Variants in BMP6 observed in about 807,000 individuals in gnomAD.
BMP6 encodes the protein bone morphogenetic protein 6.
In BMP6, 17 loss-of-function variants were observed where a neutral mutation model predicts 54.1. The observed-to-expected ratio is 0.31, with a 90% CI of 0.22 to 0.47. The LOEUF (loss-of-function observed/expected upper bound fraction) is 0.47. Ranked by LOEUF, BMP6 falls within the 20% of genes least tolerant of loss-of-function variation. The pLI is 1.00. For synonymous variants in BMP6, 328 were observed against 291.2 expected, an observed-to-expected ratio of 1.13 and a Z score of -1.28; for missense variants, 720 against 690.4, an observed-to-expected ratio of 1.04 and a Z score of -0.48.
chr6:7,854,831 G>C (rs1759200863), intron 2 of BMP6, among the ~76,000 whole-genome samples: 1 of 152,098 alleles, frequency 6.6e-6, no homozygotes, highest in Non-Finnish European at 1.5e-5. Flanking sequence ...AAAAATAACA[G>C]GTGACAAACT....
At chr6:7,839,899 C>T (rs1758939860) in intron 1 of BMP6, among the ~76,000 whole-genome samples, 1 of 152,244 alleles carries the variant, frequency 6.6e-6, no homozygotes, top group Non-Finnish European at 1.5e-5. Context: ...TACAGTGCTG[C>T]ACCATTTTGC....
At chr6:7,792,649 T>C (rs1758127485) in intron 1 of BMP6, among the ~76,000 whole-genome samples, 1 of 152,236 alleles carries the variant, frequency 6.6e-6, no homozygotes, top group African/African-American at 2.4e-5. Context: ...TTCTTAGCCT[T>C]CTGTTTTTTC....
chr6:7,799,431 A>G (rs188034828), intron 1 of BMP6, among the ~76,000 whole-genome samples: 82 of 152,322 alleles, frequency 5.4e-4, no homozygotes, highest in Non-Finnish European at 4.4e-5. Context: ...TGAAAAGATC[A>G]AAGTTATGAT....
At chr6:7,845,793 A>G (rs79194176) in intron 2 of BMP6, among the ~76,000 whole-genome samples, 1 of 146,184 alleles carries the variant, frequency 6.8e-6, no homozygotes, top group Non-Finnish European at 1.5e-5. Flanking sequence ...TGTGTGATGT[A>G]TTTTTTTTTT....
At chr6:7,758,642 G>T (rs1420892448) in intron 1 of BMP6, among the ~76,000 whole-genome samples, 2 of 152,222 alleles carry the variant, frequency 1.3e-5, no homozygotes, top group African/African-American at 4.8e-5. Context: ...GCTAAAGGGT[G>T]AAGCTTTAAG....
chr6:7,800,984 G>A (rs17143141), intron 1 of BMP6, among the ~76,000 whole-genome samples: 29,408 of 151,132 alleles, frequency 0.19, 3,281 homozygotes, highest in African/African-American at 0.3. Context: ...GTACTTCCAT[G>A]AGAGCTTGCT....
At chr6:7,828,294 G>A (rs1039066971) in intron 1 of BMP6, among the ~76,000 whole-genome samples, 5 of 152,336 alleles carry the variant, frequency 3.3e-5, no homozygotes, top group African/African-American at 9.6e-5. Context: ...GCATTTTGTT[G>A]TGTTTTTGCA....
intron 1 of BMP6, among the ~76,000 whole-genome samples, chr6:7,793,185 T>C (rs1341875699): frequency 6.6e-6 from 1 of 152,104 alleles, no homozygotes; most frequent in Non-Finnish European, 1.5e-5. Flanking sequence ...CGATGGGCTA[T>C]TCTTCAGCAC....
At chr6:7,739,351 A>G (rs533199943) in intron 1 of BMP6, among the ~76,000 whole-genome samples, 2 of 152,296 alleles carry the variant, frequency 1.3e-5, no homozygotes, top group Non-Finnish European at 2.9e-5. Context: ...CATTTTCCCT[A>G]TGCTCATCCT....
chr6:7,769,245 G>A (rs909420253), intron 1 of BMP6, among the ~76,000 whole-genome samples: 11 of 152,214 alleles, frequency 7.2e-5, no homozygotes, highest in African/African-American at 2.7e-4. Context: ...GCTCTTCAGA[G>A]CCCAGACTTA....
chr6:7,871,170 A>G (rs1251852613), intron 4 of BMP6, among the ~76,000 whole-genome samples: 4 of 152,138 alleles, frequency 2.6e-5, no homozygotes, highest in African/African-American at 9.7e-5. Context: ...TTAGAACTCA[A>G]CTCTGGTGCT....
intron 1 of BMP6, among the ~76,000 whole-genome samples, chr6:7,836,236 G>A (rs1377566977): frequency 6.6e-6 from 1 of 151,926 alleles, no homozygotes; most frequent in Non-Finnish European, 1.5e-5. Context: ...TTAACCCTTT[G>A]TGCTAATAAT....
intron 1 of BMP6, among the ~76,000 whole-genome samples, chr6:7,815,311 T>C (rs1020266619): frequency 1.3e-5 from 2 of 152,206 alleles, no homozygotes; most frequent in African/African-American, 2.4e-5. Flanking sequence ...GTGTGCAGAA[T>C]AGCAGGGTGA....
intron 5 of BMP6, 39 bp from the exon 6 acceptor site, chr6:7,879,952 C>G (rs901279497): frequency 1.3e-6 from 2 of 1,571,240 alleles, no homozygotes; most frequent in African/African-American, 2.7e-5. Flanking sequence ...GTGAGAAGTG[C>G]ATGCTCATCT....
At chr6:7,786,267 A>G (rs901809997) in intron 1 of BMP6, among the ~76,000 whole-genome samples, 1 of 152,142 alleles carries the variant, frequency 6.6e-6, no homozygotes, top group Non-Finnish European at 1.5e-5. Flanking sequence ...TGGGCACACC[A>G]CACCTCTCCT....
In BMP6 at chr6:7,832,572, C is replaced by T. The variant is rs1043078944; in HGVS notation, c.665-12568C>T. On this transcript the variant is annotated intron_variant, in intron 1 of 6. Transcript: ENST00000283147. ...AGCCCAAATGGACTAAGACAATTAC[C>T]CATTGCGTATTGCAAGTAGGTGGTT... is the stretch of plus-strand genomic sequence containing the variant. Among the ~76,000 whole-genome samples the T allele has an allele frequency of 5.1e-4, 78 of 151,934 alleles. 1 individual carries two copies. Among genetic ancestry groups the T allele is most frequent in the Non-Finnish European group, 5.9e-5 (4 of 68,012 alleles).
At chr6:7,754,312 C>T (rs554239203) in intron 1 of BMP6, among the ~76,000 whole-genome samples, 1 of 152,148 alleles carries the variant, frequency 6.6e-6, no homozygotes, top group South Asian at 2.1e-4. Context: ...CAGGTCTCTC[C>T]ATGTTGCCTA....
intron 1 of BMP6, among the ~76,000 whole-genome samples, chr6:7,789,371 G>A (rs776783857): frequency 3.9e-5 from 6 of 152,202 alleles, no homozygotes; most frequent in Non-Finnish European, 8.8e-5. Flanking sequence ...TCTTTGTAGT[G>A]CATGACTCTT....
intron 1 of BMP6, among the ~76,000 whole-genome samples, chr6:7,730,965 TACATTTGAA>T: frequency 6.6e-6 from 1 of 152,278 alleles, no homozygotes; most frequent in South Asian, 2.1e-4. Flanking sequence ...ACTCATGAAA[TACATTTGAA>T]ACACCCCGAG....
Sources: gnomAD v4.1 joint callset for allele counts (sites outside exome capture counted in the v4.1 genomes callset) on GRCh38, gnomAD v4.1.1 for gene constraint, MANE v1.5 for transcripts, NCBI Gene and HGNC (gene_info 2026-07-23, HGNC 2026-07-21) for gene names.